Variants in SCAI observed in about 807,000 individuals in gnomAD.
SCAI encodes protein SCAI.
In SCAI, 24 loss-of-function variants were observed where a neutral mutation model predicts 92.2. The observed-to-expected ratio is 0.26, with a 90% CI of 0.19 to 0.37. The LOEUF is 0.37. Among genes scored for constraint, SCAI ranks in the 10% least tolerant of loss-of-function variants. SCAI has a pLI of 1.00. For synonymous variants in SCAI, 261 were observed against 258.6 expected, an observed-to-expected ratio of 1.01 and a Z score of -0.09; for missense variants, 450 against 736.2, an observed-to-expected ratio of 0.61 and a Z score of 4.50.
chr9:125,064,118 C>T (rs536385857), intron 2 of SCAI, among the ~76,000 whole-genome samples: 10 of 152,096 alleles, frequency 6.6e-5, no homozygotes, highest in East Asian at 3.9e-4. Flanking sequence ...TAAATAAAAA[C>T]GGATAAAACT....
At chr9:125,100,879 C>T (rs975533086) in intron 2 of SCAI, among the ~76,000 whole-genome samples, 1 of 152,138 alleles carries the variant, frequency 6.6e-6, no homozygotes, top group African/African-American at 2.4e-5. Context: ...AGTGCACAGG[C>T]CCCGAGTTAG....
At chr9:124,997,781 CAGG>C (rs1832268938) in intron 13 of SCAI, among the ~76,000 whole-genome samples, 1 of 149,254 alleles carries the variant, frequency 6.7e-6, no homozygotes, top group African/African-American at 2.5e-5. Flanking sequence ...GAGGCTGAGG[CAGG>C]AGAATCGCTT....
chr9:125,143,340 G>GCCCCCC, intron 1 of SCAI, 45 bp downstream of exon 1: 2 of 1,200,122 alleles, frequency 1.7e-6, no homozygotes, highest in Non-Finnish European at 1.1e-6. Context: ...CCGCTCCCTG[G>GCCCCCC]CCCCCACCCC....
At chr9:125,032,190 TATATA>T (rs1452086191) in intron 3 of SCAI, among the ~76,000 whole-genome samples, 5 of 80,736 alleles carry the variant, frequency 6.2e-5, no homozygotes, top group Admixed American at 2.4e-4. Context: ...TATATATATA[TATATA>T]TTTTTTTTTT....
chr9:125,001,783 A>G (rs1413958546), intron 12 of SCAI, among the ~76,000 whole-genome samples, 182 bp downstream of exon 12: 1 of 152,212 alleles, frequency 6.6e-6, no homozygotes, highest in Non-Finnish European at 1.5e-5. Context: ...GACATATAAC[A>G]TTTCAGAAAA....
intron 17 of SCAI, among the ~76,000 whole-genome samples, chr9:124,969,639 A>C (rs1480153441): frequency 6.6e-6 from 1 of 152,272 alleles, no homozygotes; most frequent in Non-Finnish European, 1.5e-5. Context: ...GATTGCAACA[A>C]GTGTTGGAAA....
chr9:125,019,702 A>T (rs1466589685), intron 7 of SCAI, among the ~76,000 whole-genome samples: 1 of 152,148 alleles, frequency 6.6e-6, no homozygotes, highest in East Asian at 1.9e-4. Context: ...TGGTTTTTGG[A>T]AATATTTTTA....
intron 2 of SCAI, chr9:125,066,037 G>A: frequency 1.3e-6 from 1 of 770,590 alleles, no homozygotes. Flanking sequence ...GTGAATGACT[G>A]CTATCACCAG....
chr9:125,137,008 C>T (rs543455200), intron 2 of SCAI, among the ~76,000 whole-genome samples: 9 of 149,610 alleles, frequency 6.0e-5, no homozygotes, highest in Non-Finnish European at 8.9e-5. Flanking sequence ...CCACCCGCCT[C>T]GGCCTCCCAA....
chr9:125,135,776 C>T (rs1213330199), intron 2 of SCAI, among the ~76,000 whole-genome samples: 1 of 152,038 alleles, frequency 6.6e-6, no homozygotes, highest in Non-Finnish European at 1.5e-5. Flanking sequence ...TCAAGACCAG[C>T]CTAACGAACA....
chr9:125,013,811 C>G (rs1832690048), intron 9 of SCAI, among the ~76,000 whole-genome samples: 1 of 152,138 alleles, frequency 6.6e-6, no homozygotes, highest in Non-Finnish European at 1.5e-5. Context: ...TCCAGCAGCA[C>G]ATCAAAAAGC....
At chr9:125,031,216 A>ATTAT (rs1833067845) in intron 3 of SCAI, among the ~76,000 whole-genome samples, 1 of 152,164 alleles carries the variant, frequency 6.6e-6, no homozygotes, top group Non-Finnish European at 1.5e-5. Context: ...CTTGAATCAA[A>ATTAT]TTATAAAGAG....
At chr9:124,974,794 C>T (rs1394731865) in intron 15 of SCAI, among the ~76,000 whole-genome samples, 1 of 151,978 alleles carries the variant, frequency 6.6e-6, no homozygotes, top group African/African-American at 2.4e-5. Flanking sequence ...TACTACATAC[C>T]CAGCATTATT....
intron 2 of SCAI, among the ~76,000 whole-genome samples, chr9:125,135,746 G>C (rs1331616817): frequency 3.3e-5 from 5 of 152,250 alleles, no homozygotes; most frequent in African/African-American, 1.2e-4. Flanking sequence ...AAGGCGGACG[G>C]ATCACCGGAG....
intron 2 of SCAI, among the ~76,000 whole-genome samples, chr9:125,114,948 T>C (rs565934635): frequency 2.1e-4 from 32 of 152,052 alleles, no homozygotes; most frequent in African/African-American, 7.5e-4. Flanking sequence ...AATTTTTATA[T>C]GTTTAGTAGA....
chr9:125,029,535 G>GA (rs1833030113), intron 4 of SCAI, 109 bp downstream of exon 4: 40 of 545,782 alleles, frequency 7.3e-5, no homozygotes, highest in South Asian at 2.2e-4. Flanking sequence ...CTTTGTTGGT[G>GA]AAAAAAAAGA....
intron 14 of SCAI, among the ~76,000 whole-genome samples, chr9:124,988,703 T>C (rs1832048397): frequency 6.6e-6 from 1 of 151,744 alleles, no homozygotes; most frequent in African/African-American, 2.4e-5. Flanking sequence ...GACCAGAATG[T>C]GCAATAACGA....
Position 125,142,745 on chromosome 9 carries a change from T to A in SCAI, c.54-68A>T, listed in dbSNP as rs370104151. 4.1e-4 allele frequency: 591 copies of A among 1,429,770 alleles called. 1 individual carries two copies. The highest frequency in any genetic ancestry group is 4.9e-4 in the Non-Finnish European group (501 of 1,013,116). 88.6% of individuals were successfully genotyped at this position (1,429,770 alleles called of 1,614,324 possible). ...AAGAAAACATCTCCCGGCGCTACCG[T>A]GCCAGTCAAGAACTAAATAGACCAC... On this transcript the variant is annotated intron_variant, in intron 1 of 17. Coordinates refer to ENST00000336505, the MANE Select transcript of SCAI (RefSeq NM_001144877.3).
chr9:125,090,737 T>G (rs1778327091), intron 2 of SCAI, among the ~76,000 whole-genome samples: 1 of 152,172 alleles, frequency 6.6e-6, no homozygotes, highest in Admixed American at 6.5e-5. Flanking sequence ...CCTCCCAAAC[T>G]GCTGGGATTA....
Sources: allele counts gnomAD v4.1 joint callset (sites outside exome capture counted in the v4.1 genomes callset), GRCh38; gene constraint gnomAD v4.1.1; transcripts MANE v1.5; gene names NCBI Gene and HGNC (gene_info 2026-07-23, HGNC 2026-07-21).